PCDHA4: variants seen among roughly 807,000 people sequenced by gnomAD.
PCDHA4 encodes protocadherin alpha-4.
In PCDHA4, 49 loss-of-function variants were observed where a neutral mutation model predicts 61.4. The observed-to-expected ratio is 0.80, with a 90% confidence interval of 0.63 to 1.01. The LOEUF (loss-of-function observed/expected upper bound fraction) is 1.01. PCDHA4 is among the 50% of genes least tolerant of loss of function. The pLI is 0.00. For synonymous variants in PCDHA4, 590 were observed against 550.3 expected (o/e 1.07, Z -1.01); for missense variants, 1,254 against 1,235.8 (o/e 1.01, Z -0.22).
Position 140,842,885 on chromosome 5 carries a change from C to T in PCDHA4, c.2385+33313C>T. 2 of 1,594,162 alleles carry T rather than the reference C, an allele frequency of 1.3e-6. 1 individual carries two copies. The highest frequency in any genetic ancestry group is 1.7e-6 in the Non-Finnish European group (2 of 1,165,432). On this transcript the variant is annotated intron_variant, in intron 1 of 3. Coordinates refer to ENST00000530339, the MANE Select transcript of PCDHA4 (RefSeq NM_018907.4). Reference sequence around the variant, plus strand: ...GAGCGGCAAGGTGTACGCGCTGCAGCCGCTGGACCACGAGGAGCTAGAGCT... The same window carrying T: ...GAGCGGCAAGGTGTACGCGCTGCAGTCGCTGGACCACGAGGAGCTAGAGCT...
chr5:140,877,074 G>A (rs1554169286), intron 1 of PCDHA4: 1 of 1,613,132 alleles, frequency 6.2e-7, no homozygotes, highest in Non-Finnish European at 8.5e-7. Flanking sequence ...TGCAGTTCCA[G>A]GTGAGCGCGC....
intron 1 of PCDHA4, among the ~76,000 whole-genome samples, chr5:140,898,001 C>G (rs2066457062): frequency 6.6e-6 from 1 of 152,116 alleles, no homozygotes; most frequent in Non-Finnish European, 1.5e-5. Flanking sequence ...TGAGAAGTGT[C>G]TGTTCATATC....
At chr5:140,870,461 C>T (rs1554164294) in intron 1 of PCDHA4, 1 of 1,614,246 alleles carries the variant, frequency 6.2e-7, no homozygotes, top group Non-Finnish European at 8.5e-7. Context: ...AATGCGCCTG[C>T]GTTCGCACAG....
At chr5:140,966,900 G>A (rs376213042) in intron 1 of PCDHA4, 1 of 1,598,684 alleles carries the variant, frequency 6.3e-7, no homozygotes, top group Non-Finnish European at 8.5e-7. Flanking sequence ...TCCCAGCTGC[G>A]ATACTCTGTG....
At position 140,834,754 on chromosome 5, in the gene PCDHA4, A is replaced by G. The variant is rs2150225554; in HGVS notation, c.2385+25182A>G. 43 of 1,614,038 alleles carry G rather than the reference A, an allele frequency of 2.7e-5. 1 individual carries two copies. The South Asian group carries it at 3.7e-4, about 14-fold the overall frequency. Reference sequence around the variant, plus strand: ...GTTTTCCATGTGGACGTGGAGGTGAAGGACATTAACGACAACCCTCCGGTG... The same window carrying G: ...GTTTTCCATGTGGACGTGGAGGTGAGGGACATTAACGACAACCCTCCGGTG... On this transcript the variant is annotated intron_variant, in intron 1 of 3. Coordinates refer to ENST00000530339, the MANE Select transcript of PCDHA4 (RefSeq NM_018907.4).
chr5:140,848,883 C>G, intron 1 of PCDHA4: 1 of 1,591,194 alleles, frequency 6.3e-7, no homozygotes, highest in Non-Finnish European at 8.6e-7. Context: ...TAACGACAAC[C>G]CTCCAGTGTT....
intron 1 of PCDHA4, chr5:140,848,617 A>C (rs2150415016): frequency 6.3e-7 from 1 of 1,593,554 alleles, no homozygotes; most frequent in South Asian, 1.1e-5. Flanking sequence ...GAAGCCGAAC[A>C]CGGCACCTTC....
At position 140,870,603 on chromosome 5, in the gene PCDHA4, C is replaced by T. The variant is rs782250124; in HGVS notation, c.2385+61031C>T. ...CGCTGGTGGAGCGGCGGTTGGGCGACCGCGCGCTGTCGAGCTACGTGTCGG... is the reference window on the plus strand; with the variant it reads ...CGCTGGTGGAGCGGCGGTTGGGCGATCGCGCGCTGTCGAGCTACGTGTCGG... On this transcript the variant is annotated intron_variant, in intron 1 of 3. Coordinates refer to ENST00000530339, the MANE Select transcript of PCDHA4 (RefSeq NM_018907.4). The T allele has an allele frequency of 4.3e-6, 7 of 1,613,340 alleles. No homozygotes were observed. The Admixed American group carries it at 1.2e-4, about 27-fold the overall frequency.
rs376600715 is a variant in PCDHA4, at chr5:140,871,207, G to A, written c.2385+61635G>A. The stretch of plus-strand genomic sequence containing the variant: ...GGATGTCAACGTGTACCTGATCATC[G>A]CCATCTGCGTGGTGTCCAGCCTCCT... On this transcript the variant is annotated intron_variant, in intron 1 of 3. Transcript: ENST00000530339. 2.2e-5 allele frequency: 36 copies of A among 1,613,642 alleles called. No individual in the cohort carries two copies. The African/African-American group carries it at 4.0e-4, about 18-fold the overall frequency.
intron 1 of PCDHA4, among the ~76,000 whole-genome samples, chr5:140,818,846 A>G (rs2150102487): frequency 3.3e-5 from 5 of 152,190 alleles, no homozygotes; most frequent in Non-Finnish European, 5.9e-5. Context: ...GTATAGAATC[A>G]ACTATAGGTA....
At chr5:140,926,664 C>T (rs2083450429) in intron 1 of PCDHA4, 1 of 546,968 alleles carries the variant, frequency 1.8e-6, no homozygotes, top group East Asian at 3.5e-5. Context: ...CTTTCCCAGA[C>T]GGCTGCCCAG....
At chr5:140,883,760 C>T (rs199864330) in intron 1 of PCDHA4, 18 of 1,612,790 alleles carry the variant, frequency 1.1e-5, no homozygotes, top group Non-Finnish European at 1.4e-5. Context: ...GGTGGAGCGG[C>T]GGGTGGGCGA....
intron 1 of PCDHA4, among the ~76,000 whole-genome samples, chr5:140,913,296 T>A (rs538964015): frequency 2.1e-4 from 32 of 152,322 alleles, no homozygotes; most frequent in African/African-American, 7.0e-4. Flanking sequence ...TTTAATTTCT[T>A]CATAGATCAA....
At chr5:140,980,237 A>C (rs1159780134) in intron 2 of PCDHA4, among the ~76,000 whole-genome samples, 1 of 152,238 alleles carries the variant, frequency 6.6e-6, no homozygotes, top group Non-Finnish European at 1.5e-5. Context: ...GTTGGTGGAG[A>C]CATGCAATGG....
At chr5:140,829,229 G>T (rs1554131821) in intron 1 of PCDHA4, 11 of 1,614,240 alleles carry the variant, frequency 6.8e-6, no homozygotes, top group Non-Finnish European at 8.5e-6. Flanking sequence ...CCTCGATTCA[G>T]GTGCCAACGG....
chr5:140,877,702 G>T, intron 1 of PCDHA4: 2 of 1,613,996 alleles, frequency 1.2e-6, no homozygotes, highest in Admixed American at 3.3e-5. Context: ...GTGCTCCAGC[G>T]CCGTGGGGAG....
chr5:140,960,120 C>A (rs2095527331), intron 1 of PCDHA4, among the ~76,000 whole-genome samples: 1 of 152,118 alleles, frequency 6.6e-6, no homozygotes, highest in African/African-American at 2.4e-5. Context: ...AATAGTATTC[C>A]TTATGAAATA....
In PCDHA4 at chr5:140,873,562, T is replaced by C. The variant is rs2054348263; in HGVS notation, c.2385+63990T>C. On this transcript the variant is annotated intron_variant, in intron 1 of 3. Coordinates refer to ENST00000530339, the MANE Select transcript of PCDHA4 (RefSeq NM_018907.4). ...AAAATTATAATTTCAATTTATTTTCTAGTTTGGTTGTTTAAGTATTAAGCT... is the reference window on the plus strand; with the variant it reads ...AAAATTATAATTTCAATTTATTTTCCAGTTTGGTTGTTTAAGTATTAAGCT... Among the ~76,000 whole-genome samples, 7 of 149,812 alleles carry C rather than the reference T, an allele frequency of 4.7e-5. No individual in the cohort carries two copies. In the South Asian group the frequency reaches 1.5e-3, roughly 31 times the overall value.
chr5:140,834,582 G>A, intron 1 of PCDHA4: 1 of 1,614,134 alleles, frequency 6.2e-7, no homozygotes, highest in Non-Finnish European at 8.5e-7. Context: ...GTTCCGGGCG[G>A]TGTGCAAATT....
Sources: gnomAD v4.1 joint callset for allele counts (sites outside exome capture counted in the v4.1 genomes callset) on GRCh38, gnomAD v4.1.1 for gene constraint, MANE v1.5 for transcripts, NCBI Gene and HGNC (gene_info 2026-07-23, HGNC 2026-07-21) for gene names.